Variants in AFAP1L2 observed in about 807,000 individuals in gnomAD.
AFAP1L2 encodes the protein actin filament-associated protein 1-like 2.
Under a neutral mutation model 99.3 loss-of-function variants are expected in AFAP1L2, and 46 were observed. The ratio of observed to expected loss-of-function variants is 0.46; its 90% confidence interval spans 0.37 to 0.59. The LOEUF (loss-of-function observed/expected upper bound fraction) is 0.59, where lower values mean the gene tolerates loss of function less well. Among genes scored for constraint, AFAP1L2 ranks in the 20% least tolerant of loss-of-function variants. The probability of loss-of-function intolerance (pLI) is 0.00; values close to 1 mark genes in which losing one functional copy is unlikely to be tolerated. For synonymous variants in AFAP1L2, 397 were observed against 419.1 expected, an observed-to-expected ratio of 0.95 and a Z score of 0.64; for missense variants, 959 against 1,034.9, an observed-to-expected ratio of 0.93 and a Z score of 1.01.
the AFAP1L2 span, chr10:114,289,047 G>C: frequency 1.2e-6 from 2 of 1,614,086 alleles, no homozygotes; most frequent in African/African-American, 2.7e-5. Flanking sequence ...GTGCCCTCCA[G>C]TTTGAGGTGA....
chr10:114,302,539 A>G, intron 11 of AFAP1L2, 55 bp from the exon 12 acceptor site: 1 of 1,606,466 alleles, frequency 6.2e-7, no homozygotes, highest in Non-Finnish European at 8.5e-7. Flanking sequence ...GCCTGGTGCC[A>G]GCCCCTCCCC....
At chr10:114,282,988 TAGTGAAGATTC>T in the AFAP1L2 span, among the ~76,000 whole-genome samples, 1 of 152,182 alleles carries the variant, frequency 6.6e-6, no homozygotes, top group African/African-American at 2.4e-5. Context: ...TATGAGGTCC[TAGTGAAGATTC>T]AGTAGATAAT....
At chr10:114,339,390 T>C (rs1018719323) in intron 2 of AFAP1L2, among the ~76,000 whole-genome samples, 2 of 152,034 alleles carry the variant, frequency 1.3e-5, no homozygotes, top group African/African-American at 2.4e-5. Context: ...GAGCTTACAG[T>C]GAGCGGAGAT....
intron 2 of AFAP1L2, among the ~76,000 whole-genome samples, chr10:114,337,523 T>C (rs2048157971): frequency 6.6e-6 from 1 of 152,198 alleles, no homozygotes; most frequent in African/African-American, 2.4e-5. Flanking sequence ...GGTGGCACTC[T>C]GGAGGTGATT....
chr10:114,302,551 C>A, intron 11 of AFAP1L2, 67 bp from the exon 12 acceptor site: 1 of 1,599,018 alleles, frequency 6.3e-7, no homozygotes, highest in Non-Finnish European at 8.5e-7. Context: ...CCCCTCCCCA[C>A]CAGGCCATGA....
At chr10:114,301,549 G>T (rs2041196273) in intron 12 of AFAP1L2, 84 bp from the exon 13 acceptor site, 1 of 1,015,594 alleles carries the variant, frequency 9.8e-7, no homozygotes, top group South Asian at 1.3e-5. Flanking sequence ...CCAGTGAGGA[G>T]TGGTTGCCGT....
intron 11 of AFAP1L2, 49 bp downstream of exon 11, chr10:114,304,670 C>A: frequency 6.7e-7 from 1 of 1,497,398 alleles, no homozygotes; most frequent in Non-Finnish European, 9.0e-7. Flanking sequence ...CAAACAGCCA[C>A]CACCGCCACA....
chr10:114,329,135 T>A (rs201046324), intron 4 of AFAP1L2, among the ~76,000 whole-genome samples: 8 of 152,144 alleles, frequency 5.3e-5, no homozygotes, highest in Admixed American at 5.2e-4. Flanking sequence ...GCTGATATTT[T>A]CCCCAACTGC....
At chr10:114,399,001 T>A in intron 1 of AFAP1L2, 1 of 1,065,676 alleles carries the variant, frequency 9.4e-7, no homozygotes, top group South Asian at 1.3e-5. Context: ...GAGATTTTGC[T>A]TCATTTCTTT....
chr10:114,293,695 AT>A (rs2039812709), downstream of AFAP1L2, among the ~76,000 whole-genome samples: 1 of 152,190 alleles, frequency 6.6e-6, no homozygotes, highest in Non-Finnish European at 1.5e-5. Context: ...TAGGCCATAA[AT>A]TTCCTTATTT....
Position 114,296,066 on chromosome 10 carries a change from T to C in AFAP1L2, c.2433A>G (p.Glu811=), listed in dbSNP as rs1187453639. The C allele has an allele frequency of 6.2e-7, 1 of 1,614,152 alleles. No homozygotes were observed. The highest frequency in any genetic ancestry group is 2.2e-5 in the East Asian group (1 of 44,882). ...GKGTVLQKAK[E]WEKKGAS ...TCTAACTTGCTCCTTTCTTCTCCCA[T>C]TCCTAGGGTACCATTCAAATACCAG... Residue 811 remains glutamate, a splice_region_variant and synonymous_variant, in exon 19 of 19, where the codon GAA becomes GAG. Transcript: ENST00000304129.
chr10:114,387,570 T>C (rs2056660632), intron 1 of AFAP1L2, among the ~76,000 whole-genome samples: 1 of 151,934 alleles, frequency 6.6e-6, no homozygotes, highest in Non-Finnish European at 1.5e-5. Context: ...ACTGCCAAGC[T>C]CTCTAAGGGC....
At chr10:114,332,355 G>T (rs892164197) in intron 3 of AFAP1L2, among the ~76,000 whole-genome samples, 3 of 152,250 alleles carry the variant, frequency 2.0e-5, no homozygotes, top group African/African-American at 7.2e-5. Flanking sequence ...AAGTGAAGGA[G>T]CCACACTGGG....
chr10:114,341,078 G>A (rs1415975467), intron 1 of AFAP1L2, among the ~76,000 whole-genome samples: 22 of 152,232 alleles, frequency 1.4e-4, no homozygotes, highest in Admixed American at 1.4e-3. Context: ...AACTAAGAGA[G>A]CACTACTTCC....
chr10:114,357,475 C>T (rs2051561409), intron 1 of AFAP1L2, among the ~76,000 whole-genome samples: 1 of 152,192 alleles, frequency 6.6e-6, no homozygotes, highest in South Asian at 2.1e-4. Flanking sequence ...CTGTCCCAAT[C>T]TCACAGTACC....
the AFAP1L2 span, among the ~76,000 whole-genome samples, chr10:114,288,156 A>T: frequency 6.6e-6 from 1 of 152,176 alleles, no homozygotes; most frequent in African/African-American, 2.4e-5. Flanking sequence ...TCCCCTGCAC[A>T]GGAGAGGCCT....
intron 5 of AFAP1L2, 85 bp downstream of exon 5, chr10:114,323,086 A>G: frequency 8.0e-7 from 1 of 1,246,766 alleles, no homozygotes; most frequent in Non-Finnish European, 1.1e-6. Flanking sequence ...GGATGAGTGT[A>G]TCTGTTACCC....
At chr10:114,346,281 C>G (rs1020774367) in intron 1 of AFAP1L2, among the ~76,000 whole-genome samples, 3 of 152,214 alleles carry the variant, frequency 2.0e-5, no homozygotes, top group Non-Finnish European at 4.4e-5. Context: ...TTGCTGGCGT[C>G]TGCCTCCCTA....
At chr10:114,310,534 G>A (rs999067788) in intron 7 of AFAP1L2, 91 bp from the exon 8 acceptor site, 1 of 1,148,650 alleles carries the variant, frequency 8.7e-7, no homozygotes, top group African/African-American at 1.6e-5. Context: ...CAGGTCAGGG[G>A]AGAGTGGGTG....
Sources: gnomAD v4.1 joint callset for allele counts (sites outside exome capture counted in the v4.1 genomes callset) on GRCh38, gnomAD v4.1.1 for gene constraint, MANE v1.5 for transcripts, NCBI Gene and HGNC (gene_info 2026-07-23, HGNC 2026-07-21) for gene names.